MOB3B: variants seen among roughly 807,000 people sequenced by gnomAD.
MOB3B encodes MOB kinase activator 3B.
Under a neutral mutation model 18.7 loss-of-function variants are expected in MOB3B, and 7 were observed. That is an observed-to-expected ratio of 0.37 (90% CI 0.21 to 0.70). The LOEUF (loss-of-function observed/expected upper bound fraction) is 0.70, where lower values mean the gene tolerates loss of function less well. MOB3B is among the 30% of genes least tolerant of loss of function. The probability of loss-of-function intolerance (pLI) is 0.52; values close to 1 mark genes in which losing one functional copy is unlikely to be tolerated. For synonymous variants in MOB3B, 111 were observed against 99.9 expected, an observed-to-expected ratio of 1.11 and a Z score of -0.66; for missense variants, 253 against 281.3, an observed-to-expected ratio of 0.90 and a Z score of 0.72.
At chr9:27,380,866 AAAG>A (rs1243719530) in intron 2 of MOB3B, among the ~76,000 whole-genome samples, 3 of 152,178 alleles carry the variant, frequency 2.0e-5, no homozygotes, top group Non-Finnish European at 4.4e-5. Flanking sequence ...TCAACCATTC[AAAG>A]AAGATGTCTG....
chr9:27,375,665 G>A (rs568324099), intron 2 of MOB3B, among the ~76,000 whole-genome samples: 80 of 152,230 alleles, frequency 5.3e-4, no homozygotes, highest in South Asian at 1.0e-3. Flanking sequence ...ATCCTGAGGA[G>A]CCTCTAGCAA....
chr9:27,468,976 T>C (rs1197615008), intron 1 of MOB3B, among the ~76,000 whole-genome samples: 1 of 152,234 alleles, frequency 6.6e-6, no homozygotes, highest in Non-Finnish European at 1.5e-5. Context: ...GCCCACTGGC[T>C]TAAAACAATG....
At chr9:27,377,594 T>C (rs1205101809) in intron 2 of MOB3B, among the ~76,000 whole-genome samples, 2 of 152,132 alleles carry the variant, frequency 1.3e-5, no homozygotes, top group Non-Finnish European at 1.5e-5. Context: ...TCAGTGAGTC[T>C]GGGGAGGGGT....
At chr9:27,457,337 T>G (rs1335978490) in intron 1 of MOB3B, among the ~76,000 whole-genome samples, 1 of 152,182 alleles carries the variant, frequency 6.6e-6, no homozygotes, top group Admixed American at 6.6e-5. Flanking sequence ...CCCAACAAAA[T>G]GAGCCAACAG....
chr9:27,349,372 T>C (rs1188946117), intron 3 of MOB3B, among the ~76,000 whole-genome samples: 1 of 152,194 alleles, frequency 6.6e-6, no homozygotes, highest in Non-Finnish European at 1.5e-5. Context: ...GGAGAAAATA[T>C]AATGTTATGT....
At chr9:27,332,614 T>C (rs1820805491) in intron 3 of MOB3B, among the ~76,000 whole-genome samples, 1 of 152,294 alleles carries the variant, frequency 6.6e-6, no homozygotes, top group Admixed American at 6.5e-5. Context: ...CAGAAGCTAT[T>C]TGCTCAAGGT....
intron 2 of MOB3B, among the ~76,000 whole-genome samples, chr9:27,419,715 T>C (rs1563864177): frequency 6.6e-6 from 1 of 152,154 alleles, no homozygotes. Flanking sequence ...GAAGATAACA[T>C]TGGAAAAAGC....
At chr9:27,404,604 C>T (rs930320764) in intron 2 of MOB3B, among the ~76,000 whole-genome samples, 3 of 152,016 alleles carry the variant, frequency 2.0e-5, no homozygotes, top group East Asian at 1.9e-4. Flanking sequence ...GTGATCCACC[C>T]GCCTTGGCCT....
chr9:27,413,792 G>A (rs1318534946), intron 2 of MOB3B, among the ~76,000 whole-genome samples: 1 of 152,200 alleles, frequency 6.6e-6, no homozygotes, highest in African/African-American at 2.4e-5. Flanking sequence ...CTGAGCAACT[G>A]GGTAAATCTC....
chr9:27,412,040 T>C (rs1822075469), intron 2 of MOB3B, among the ~76,000 whole-genome samples: 1 of 152,152 alleles, frequency 6.6e-6, no homozygotes. Flanking sequence ...TAATTAACCC[T>C]GAACCATTTA....
At position 27,508,817 on chromosome 9, in the gene MOB3B, G is replaced by A. The variant is rs1397965467; in HGVS notation, c.-199+20738C>T. 7.9e-5 allele frequency among the ~76,000 whole-genome samples: 12 copies of A among 152,254 alleles called. No homozygotes were observed. The East Asian group carries it at 2.3e-3, about 29-fold the overall frequency. On this transcript the variant is annotated intron_variant, in intron 1 of 3. Coordinates refer to ENST00000262244, the MANE Select transcript of MOB3B (RefSeq NM_024761.5). ...CAGTAAATCACCCAGTCTAAATATT[G>A]AAGAAAATAGGGCCCATTGAGGCTG... is the stretch of plus-strand genomic sequence containing the variant.
At chr9:27,433,962 G>C (rs568408526) in intron 2 of MOB3B, among the ~76,000 whole-genome samples, 2 of 152,198 alleles carry the variant, frequency 1.3e-5, no homozygotes, top group South Asian at 4.2e-4. Context: ...TTTGATAAAA[G>C]GAAACAAGAG....
chr9:27,417,825 G>C (rs941684754), intron 2 of MOB3B, among the ~76,000 whole-genome samples: 3 of 152,156 alleles, frequency 2.0e-5, no homozygotes, highest in Non-Finnish European at 4.4e-5. Context: ...CACTTTGGGA[G>C]GTCGGGGCCG....
At chr9:27,403,686 G>A (rs1162434716) in intron 2 of MOB3B, among the ~76,000 whole-genome samples, 1 of 151,944 alleles carries the variant, frequency 6.6e-6, no homozygotes, top group African/African-American at 2.4e-5. Flanking sequence ...TCACCATGCT[G>A]GCCAGGCTGG....
chr9:27,460,449 C>T (rs1369578062), intron 1 of MOB3B, among the ~76,000 whole-genome samples: 1 of 152,204 alleles, frequency 6.6e-6, no homozygotes, highest in Non-Finnish European at 1.5e-5. Context: ...AAGGAAAGTT[C>T]TAATTTTTCT....
chr9:27,524,924 C>T, intron 1 of MOB3B: 1 of 1,606,328 alleles, frequency 6.2e-7, no homozygotes, highest in Non-Finnish European at 8.5e-7. Flanking sequence ...GTTTGTATTA[C>T]TTTTACAAAT....
chr9:27,462,547 T>C, intron 1 of MOB3B, among the ~76,000 whole-genome samples: 1 of 152,270 alleles, frequency 6.6e-6, no homozygotes, highest in East Asian at 1.9e-4. Context: ...TTTTACTTTA[T>C]AAAGCATGGG....
chr9:27,402,797 T>G (rs1220777125), intron 2 of MOB3B, among the ~76,000 whole-genome samples: 1 of 152,240 alleles, frequency 6.6e-6, no homozygotes, highest in Admixed American at 6.5e-5. Context: ...AGTGCTGAAC[T>G]GCAGCCTGCC....
At chr9:27,465,941 T>C (rs892205715) in intron 1 of MOB3B, among the ~76,000 whole-genome samples, 3 of 152,170 alleles carry the variant, frequency 2.0e-5, no homozygotes, top group African/African-American at 7.2e-5. Context: ...TCTGGGCCTG[T>C]GATGGGTGGG....
Sources: allele counts gnomAD v4.1 joint callset (sites outside exome capture counted in the v4.1 genomes callset), GRCh38; gene constraint gnomAD v4.1.1; transcripts MANE v1.5; gene names NCBI Gene and HGNC (gene_info 2026-07-23, HGNC 2026-07-21).